The following GPR158 variants were observed in gnomAD, a reference collection of about 807,000 sequenced individuals.
The protein encoded by GPR158 is G protein-coupled receptor 158, also known as metabotropic glycine receptor.
A neutral mutation model predicts 78.2 loss-of-function variants in GPR158; 30 were observed. The observed-to-expected ratio is 0.38, with a 90% CI of 0.29 to 0.52. The LOEUF is 0.52. Ranked by LOEUF, GPR158 falls within the 20% of genes least tolerant of loss-of-function variation. The pLI is 0.83. For synonymous variants in GPR158, 581 were observed against 591.1 expected, an observed-to-expected ratio of 0.98 and a Z score of 0.25; for missense variants, 1,463 against 1,523.5, an observed-to-expected ratio of 0.96 and a Z score of 0.66.
intron 9 of GPR158, among the ~76,000 whole-genome samples, chr10:25,595,930 T>A (rs1274173020): frequency 2.0e-5 from 3 of 152,162 alleles, no homozygotes; most frequent in African/African-American, 7.2e-5. Context: ...TAAAATATTA[T>A]AGAGGGGCAT....
chr10:25,581,439 A>G (rs998718476), intron 7 of GPR158, among the ~76,000 whole-genome samples: 1 of 152,196 alleles, frequency 6.6e-6, no homozygotes, highest in African/African-American at 2.4e-5. Context: ...ATCACTAAAA[A>G]CTACACATAC....
chr10:25,282,013 A>G (rs1854282604), intron 2 of GPR158, among the ~76,000 whole-genome samples: 3 of 152,216 alleles, frequency 2.0e-5, no homozygotes. Flanking sequence ...TTTTTGGTAC[A>G]CATACCTATT....
chr10:25,426,792 G>A (rs1834830141), intron 4 of GPR158, among the ~76,000 whole-genome samples: 1 of 97,006 alleles, frequency 1.0e-5, no homozygotes, highest in South Asian at 4.0e-4. Flanking sequence ...AGCACATGCT[G>A]TTGGAAGAAC....
At chr10:25,249,105 G>C (rs970988146) in intron 2 of GPR158, among the ~76,000 whole-genome samples, 15 of 151,868 alleles carry the variant, frequency 9.9e-5, no homozygotes, top group Non-Finnish European at 2.1e-4. Context: ...CTCATGATTT[G>C]GCTCTCTGTC....
chr10:25,517,147 T>G (rs1836188546), intron 5 of GPR158, among the ~76,000 whole-genome samples: 1 of 146,076 alleles, frequency 6.8e-6, no homozygotes, highest in Non-Finnish European at 1.5e-5. Context: ...TGAATGGGAG[T>G]TCACTCATGA....
At chr10:25,472,174 T>C (rs367915254) in intron 5 of GPR158, among the ~76,000 whole-genome samples, 2 of 152,166 alleles carry the variant, frequency 1.3e-5, no homozygotes, top group Non-Finnish European at 2.9e-5. Context: ...TTCAGCTTTC[T>C]ACATATGGCT....
chr10:25,369,777 G>A (rs944931724), intron 2 of GPR158, among the ~76,000 whole-genome samples: 5 of 151,926 alleles, frequency 3.3e-5, no homozygotes, highest in South Asian at 2.1e-4. Flanking sequence ...GGTAGAATTC[G>A]GCTGTGAATC....
chr10:25,189,846 G>GTC (rs1479357857), intron 1 of GPR158, among the ~76,000 whole-genome samples: 1 of 148,498 alleles, frequency 6.7e-6, no homozygotes, highest in Non-Finnish European at 1.5e-5. Flanking sequence ...GTGTGTGTGT[G>GTC]TGTGTGTGTG....
At chr10:25,461,562 T>C (rs1004245250) in intron 4 of GPR158, among the ~76,000 whole-genome samples, 7 of 152,122 alleles carry the variant, frequency 4.6e-5, no homozygotes, top group African/African-American at 9.7e-5. Context: ...AAAGCAGCCA[T>C]CTCTATAACA....
chr10:25,473,115 T>C (rs924665649), intron 5 of GPR158, among the ~76,000 whole-genome samples: 4 of 152,086 alleles, frequency 2.6e-5, no homozygotes, highest in African/African-American at 9.6e-5. Context: ...TCTTATTATT[T>C]TGAGATACGT....
intron 2 of GPR158, among the ~76,000 whole-genome samples, chr10:25,337,199 T>A (rs1164095392): frequency 2.0e-5 from 3 of 152,046 alleles, no homozygotes; most frequent in Non-Finnish European, 4.4e-5. Flanking sequence ...TAAACCTGCA[T>A]CAATCTTAAT....
At chr10:25,448,517 G>A (rs1165940747) in intron 4 of GPR158, among the ~76,000 whole-genome samples, 1 of 152,200 alleles carries the variant, frequency 6.6e-6, no homozygotes, top group Non-Finnish European at 1.5e-5. Flanking sequence ...CTCTTTGCCT[G>A]TTGGATAGAT....
intron 5 of GPR158, among the ~76,000 whole-genome samples, chr10:25,491,397 C>G (rs998172171): frequency 6.6e-6 from 1 of 152,112 alleles, no homozygotes; most frequent in Non-Finnish European, 1.5e-5. Flanking sequence ...ACATGAATGG[C>G]TGCAAGATAG....
intron 7 of GPR158, among the ~76,000 whole-genome samples, chr10:25,587,131 A>G (rs1247764027): frequency 6.6e-6 from 1 of 152,212 alleles, no homozygotes; most frequent in African/African-American, 2.4e-5. Context: ...TGGTTAGGCA[A>G]TCATGATGGG....
At chr10:25,289,404 C>G (rs979817027) in intron 2 of GPR158, among the ~76,000 whole-genome samples, 4 of 152,174 alleles carry the variant, frequency 2.6e-5, no homozygotes, top group Non-Finnish European at 5.9e-5. Flanking sequence ...GAGGAAAAAG[C>G]CTTCCAGGCA....
At chr10:25,244,146 C>G (rs916371248) in intron 2 of GPR158, 1 of 151,998 alleles carries the variant, frequency 6.6e-6, no homozygotes, top group African/African-American at 2.4e-5. Flanking sequence ...TCTAGGCTTG[C>G]AAAAATAAAT....
At chr10:25,590,462 G>C (rs1023399721) in intron 8 of GPR158, among the ~76,000 whole-genome samples, 3 of 152,128 alleles carry the variant, frequency 2.0e-5, no homozygotes, top group Admixed American at 2.0e-4. Flanking sequence ...CCTAAGAGGG[G>C]ATGCCCTCAG....
intron 2 of GPR158, among the ~76,000 whole-genome samples, chr10:25,233,416 G>A (rs1407572535): frequency 6.6e-6 from 1 of 151,908 alleles, no homozygotes; most frequent in African/African-American, 2.4e-5. Flanking sequence ...ACAATTTCAT[G>A]ATCACCTGGA....
intron 1 of GPR158, among the ~76,000 whole-genome samples, chr10:25,187,058 G>A (rs909790636): frequency 1.4e-5 from 2 of 144,374 alleles, no homozygotes; most frequent in East Asian, 4.2e-4. Flanking sequence ...TCCACCTCCC[G>A]AGTTCATGCC....
Sources: allele counts gnomAD v4.1 joint callset (sites outside exome capture counted in the v4.1 genomes callset), GRCh38; gene constraint gnomAD v4.1.1; transcripts MANE v1.5; gene names NCBI Gene and HGNC (gene_info 2026-07-23, HGNC 2026-07-21).